The following TRERF1 variants were observed in gnomAD, a reference collection of about 807,000 sequenced individuals.
TRERF1 encodes the protein transcriptional-regulating factor 1.
Under a neutral mutation model 122.9 loss-of-function variants are expected in TRERF1, and 27 were observed. The ratio of observed to expected loss-of-function variants is 0.22; its 90% CI spans 0.16 to 0.30. TRERF1 has a LOEUF of 0.30. Ranked by LOEUF, TRERF1 falls within the 10% of genes least tolerant of loss-of-function variation. The pLI, the probability that TRERF1 is intolerant of heterozygous loss-of-function variation, is 1.00. For missense variants in TRERF1, 1,248 were observed against 1,560.3 expected (o/e 0.80, Z 3.37); for synonymous variants, 636 against 641.7 (o/e 0.99, Z 0.13).
chr6:42,314,095 T>C (rs1241492475), intron 3 of TRERF1, among the ~76,000 whole-genome samples: 2 of 151,936 alleles, frequency 1.3e-5, no homozygotes, highest in African/African-American at 2.4e-5. Context: ...AGAGGTGCCA[T>C]AGTGGTGGTC....
intron 13 of TRERF1, among the ~76,000 whole-genome samples, chr6:42,250,992 C>CTTTTTTTTTTTTTT (rs70987586): frequency 1.1e-4 from 11 of 97,592 alleles, no homozygotes; most frequent in Non-Finnish European, 1.4e-4. Flanking sequence ...TCTTTTGCTT[C>CTTTTTTTTTTTTTT]TTTTTTTTTT....
chr6:42,281,993 A>G lies in TRERF1; in HGVS notation c.-258-12145T>C, dbSNP rs1298224569. 2.0e-5 allele frequency among the ~76,000 whole-genome samples: 3 copies of G among 152,232 alleles called. No homozygotes were observed. In the East Asian group the frequency reaches 5.8e-4, roughly 29 times the overall value. On this transcript the variant is annotated intron_variant, in intron 4 of 17. Coordinates refer to ENST00000372922, the Ensembl canonical transcript of TRERF1. ...TAGGAACATCTGTGAGAATTTCTTT[A>G]GGATACATACCCAGGAGTAGAGGAA...
At chr6:42,414,219 G>T in intron 2 of TRERF1, among the ~76,000 whole-genome samples, 1 of 152,192 alleles carries the variant, frequency 6.6e-6, no homozygotes, top group East Asian at 1.9e-4. Flanking sequence ...AGCATCCTTG[G>T]AGGGTCTTTC....
chr6:42,376,220 T>A (rs781549834), intron 2 of TRERF1, among the ~76,000 whole-genome samples: 9 of 152,216 alleles, frequency 5.9e-5, no homozygotes, highest in Non-Finnish European at 1.3e-4. Context: ...TTACTTGGAA[T>A]TCTAAAATTA....
intron 16 of TRERF1, 126 bp downstream of exon 16, chr6:42,236,079 G>A (rs963023335): frequency 2.4e-5 from 33 of 1,399,286 alleles, no homozygotes; most frequent in Admixed American, 3.1e-5. Flanking sequence ...ATGGCAACAT[G>A]GAGCACCCTC....
At chr6:42,231,824 G>A (rs1044912061) in intron 17 of TRERF1, among the ~76,000 whole-genome samples, 4 of 152,114 alleles carry the variant, frequency 2.6e-5, no homozygotes, top group South Asian at 2.1e-4. Flanking sequence ...GTCTGCATTC[G>A]GACAAAACTG....
intron 5 of TRERF1, among the ~76,000 whole-genome samples, chr6:42,266,162 A>C (rs901926801): frequency 6.7e-6 from 1 of 150,096 alleles, no homozygotes; most frequent in African/African-American, 2.4e-5. Context: ...ACGCAGCATT[A>C]TGCCAGGAGA....
intron 4 of TRERF1, among the ~76,000 whole-genome samples, chr6:42,285,212 G>T (rs1024665467): frequency 1.3e-5 from 2 of 152,114 alleles, no homozygotes; most frequent in South Asian, 4.2e-4. Context: ...CTTGTAAGTT[G>T]GATTCCTAGG....
chr6:42,266,860 A>T (rs1379607205), intron 5 of TRERF1, among the ~76,000 whole-genome samples: 1 of 152,216 alleles, frequency 6.6e-6, no homozygotes, highest in African/African-American at 2.4e-5. Context: ...ACCCTTAATG[A>T]GAATGCTATG....
chr6:42,239,564 G>C (rs1463936107), intron 15 of TRERF1, among the ~76,000 whole-genome samples: 1 of 152,156 alleles, frequency 6.6e-6, no homozygotes, highest in Non-Finnish European at 1.5e-5. Flanking sequence ...AACCACCTGA[G>C]CATGTTCCTT....
Position 42,255,474 on chromosome 6 carries a change from C to T in TRERF1, c.2581-548G>A, listed in dbSNP as rs139355262. Among the ~76,000 whole-genome samples, 11 of 152,338 alleles carry T rather than the reference C, an allele frequency of 7.2e-5. No individual in the cohort carries two copies. In the East Asian group the frequency reaches 2.1e-3, roughly 29 times the overall value. ...AAGATAGTTTCAGGGCAGAGCAGGG[C>T]CTAGAATCTTGCTACTCTAAGTGTG... On this transcript the variant is annotated intron_variant, in intron 12 of 17. Transcript: ENST00000372922.
At chr6:42,334,997 G>A (rs967342410) in intron 3 of TRERF1, among the ~76,000 whole-genome samples, 23 of 152,150 alleles carry the variant, frequency 1.5e-4, no homozygotes, top group African/African-American at 4.8e-4. Flanking sequence ...AACATGAATC[G>A]GCATATTAGC....
chr6:42,240,986 G>A lies in TRERF1; in HGVS notation c.2859+2262C>T, dbSNP rs557065731. On this transcript the variant is annotated intron_variant, in intron 15 of 17. Transcript: ENST00000372922. ...CTGCTCACTGCAACCTCCACCTCCC[G>A]GGTTCAGGCAATTCTCCTGCCTCAG... Among the ~76,000 whole-genome samples, 9 of 152,050 alleles carry A rather than the reference G, an allele frequency of 5.9e-5. No homozygotes were observed. The East Asian group carries it at 1.2e-3, about 20-fold the overall frequency.
intron 3 of TRERF1, among the ~76,000 whole-genome samples, chr6:42,309,893 C>T (rs1787941549): frequency 6.7e-6 from 1 of 150,234 alleles, no homozygotes; most frequent in Admixed American, 6.7e-5. Context: ...CTCAAGTGAT[C>T]CTCCCGCCTC....
intron 3 of TRERF1, among the ~76,000 whole-genome samples, chr6:42,303,751 C>CA (rs1030089781): frequency 1.2e-4 from 18 of 151,496 alleles, no homozygotes; most frequent in East Asian, 5.8e-4. Context: ...CCCATCTCTA[C>CA]AAAAAAATAC....
intron 2 of TRERF1, among the ~76,000 whole-genome samples, chr6:42,390,468 G>A (rs541458569): frequency 2.6e-5 from 4 of 152,302 alleles, no homozygotes; most frequent in East Asian, 1.9e-4. Flanking sequence ...GGTCAACAGC[G>A]TTCTGAGTAC....
At chr6:42,434,549 T>C (rs1052981134) in intron 2 of TRERF1, among the ~76,000 whole-genome samples, 1 of 151,192 alleles carries the variant, frequency 6.6e-6, no homozygotes, top group Non-Finnish European at 1.5e-5. Flanking sequence ...CTCCCAAATA[T>C]GAAGGTGAAT....
At chr6:42,224,962 G>C (rs1162358705), downstream of TRERF1, 1 of 152,172 alleles carries the variant, frequency 6.6e-6, no homozygotes, top group Non-Finnish European at 1.5e-5. Context: ...TATTTTCAGA[G>C]CAGCTGATGC....
At chr6:42,446,468 G>T (rs1787540292) in intron 2 of TRERF1, among the ~76,000 whole-genome samples, 1 of 152,160 alleles carries the variant, frequency 6.6e-6, no homozygotes, top group Admixed American at 6.6e-5. Context: ...CAAGTCACTG[G>T]ACTTGTGGTT....
Sources: allele counts gnomAD v4.1 joint callset (sites outside exome capture counted in the v4.1 genomes callset), GRCh38; gene constraint gnomAD v4.1.1; transcripts MANE v1.5; gene names NCBI Gene and HGNC (gene_info 2026-07-23, HGNC 2026-07-21).